CACNB2: variants seen among roughly 807,000 people sequenced by gnomAD.
CACNB2 encodes the protein calcium voltage-gated channel auxiliary subunit beta 2, also known as voltage-dependent L-type calcium channel subunit beta-2.
A neutral mutation model predicts 73.3 loss-of-function variants in CACNB2; 42 were observed. The observed-to-expected ratio is 0.57, with a 90% CI of 0.45 to 0.74. The LOEUF (loss-of-function observed/expected upper bound fraction) is 0.74. CACNB2 is among the 30% of genes least tolerant of loss of function. The pLI is 0.00. For missense variants in CACNB2, 940 were observed against 853.0 expected, an observed-to-expected ratio of 1.10 and a Z score of -1.27; for synonymous variants, 348 against 310.3, an observed-to-expected ratio of 1.12 and a Z score of -1.28.
chr10:18,375,295 C>G (rs2042750162), intron 2 of CACNB2, among the ~76,000 whole-genome samples: 1 of 152,114 alleles, frequency 6.6e-6, no homozygotes, highest in Admixed American at 6.5e-5. Flanking sequence ...CCTCCCAATC[C>G]TGCACCAATG....
chr10:18,506,501 G>A lies in CACNB2; in HGVS notation c.624G>A (p.Leu208=). 1 of 1,612,400 alleles carries A rather than the reference G, an allele frequency of 6.2e-7. No individual in the cohort carries two copies. The highest frequency in any genetic ancestry group is 1.7e-5 in the Admixed American group (1 of 60,016). Residue 208 remains leucine (L), a synonymous_variant, in exon 6 of 14, where the codon TTG becomes TTA. Coordinates refer to ENST00000324631, the MANE Select transcript of CACNB2 (RefSeq NM_201596.3). ...SKSGGNSSSS[L]GDIVPSSRKS... ...CAGGAGGAAATTCATCATCCAGTTT[G>A]GGTGACATAGTACCTAGTTCCAGAA... is the stretch of plus-strand genomic sequence containing the variant.
At chr10:18,341,149 G>C (rs1276867198) in intron 2 of CACNB2, among the ~76,000 whole-genome samples, 2 of 152,144 alleles carry the variant, frequency 1.3e-5, no homozygotes, top group East Asian at 3.9e-4. Flanking sequence ...TTAATGCTGT[G>C]GTGATTTAAG....
Position 18,537,101 on chromosome 10 carries a change from C to T in CACNB2, c.1302+905C>T, listed in dbSNP as rs577538374. ...CTCCCGGGCTCAAGTAATCCTCCCA[C>T]CTCGGCCCTCCAAGTAGCTAGGACT... On this transcript the variant is annotated intron_variant, in intron 12 of 13. Coordinates refer to ENST00000324631, the MANE Select transcript of CACNB2 (RefSeq NM_201596.3). Among the ~76,000 whole-genome samples, 10 of 152,218 alleles carry T rather than the reference C, an allele frequency of 6.6e-5. No homozygotes were observed. In the South Asian group the frequency reaches 8.3e-4, roughly 13 times the overall value.
intron 3 of CACNB2, among the ~76,000 whole-genome samples, chr10:18,403,278 C>T (rs1477726608): frequency 1.3e-5 from 2 of 152,056 alleles, no homozygotes; most frequent in Middle Eastern, 3.2e-3. Context: ...CAATGTTAGC[C>T]ACGTAGAACA....
intron 3 of CACNB2, among the ~76,000 whole-genome samples, chr10:18,487,616 T>C (rs139500147): frequency 0.12 from 18,349 of 151,774 alleles, 2,208 homozygotes; most frequent in African/African-American, 0.31. Flanking sequence ...GGGTGGATCA[T>C]CTGAGGTCAG....
chr10:18,221,610 T>C (rs2131397264), intron 2 of CACNB2, among the ~76,000 whole-genome samples: 1 of 152,062 alleles, frequency 6.6e-6, no homozygotes, highest in Non-Finnish European at 1.5e-5. Flanking sequence ...ACCTGGGAGG[T>C]GAAGGTTGCA....
chr10:18,388,919 C>A (rs1036239606), intron 2 of CACNB2, among the ~76,000 whole-genome samples: 21 of 152,114 alleles, frequency 1.4e-4, no homozygotes, highest in Admixed American at 7.9e-4. Context: ...TGCCTCCCTT[C>A]CCCATATGCA....
At chr10:18,308,591 G>A (rs2039837669) in intron 2 of CACNB2, among the ~76,000 whole-genome samples, 1 of 152,168 alleles carries the variant, frequency 6.6e-6, no homozygotes, top group Non-Finnish European at 1.5e-5. Flanking sequence ...TGGCAATGCT[G>A]TAAAAGCACT....
chr10:18,286,634 T>C (rs1484378576), intron 2 of CACNB2, among the ~76,000 whole-genome samples: 1 of 151,472 alleles, frequency 6.6e-6, no homozygotes, highest in Non-Finnish European at 1.5e-5. Flanking sequence ...ATTTTCCATG[T>C]AAATTGCAAA....
intron 2 of CACNB2, among the ~76,000 whole-genome samples, chr10:18,349,349 T>C (rs2041608599): frequency 6.6e-6 from 1 of 152,188 alleles, no homozygotes; most frequent in African/African-American, 2.4e-5. Flanking sequence ...TTCCCGGAGC[T>C]CCGGCATACT....
chr10:18,514,090 C>G (rs1396170600), intron 6 of CACNB2, 146 bp from the exon 7 acceptor site: 2 of 719,284 alleles, frequency 2.8e-6, no homozygotes, highest in Admixed American at 5.1e-5. Flanking sequence ...TGTGCCTTAC[C>G]TTTAAATTTA....
chr10:18,539,787 C>A lies in CACNB2; in HGVS notation c.*63C>A. 1.3e-6 allele frequency: 2 copies of A among 1,507,994 alleles called. No homozygotes were observed. The highest frequency in any genetic ancestry group is 1.8e-6 in the Non-Finnish European group (2 of 1,120,450). The allele number at this position is 1,507,994 out of a possible 1,614,324, so 93.4% of individuals were successfully genotyped here. On this transcript the variant is annotated 3_prime_UTR_variant, in exon 14 of 14. Transcript: ENST00000324631. ...AGTCTTGTATAACTAACAGCATCCC[C>A]AAAACAAAGTCTTTGGGGTCTACAC...
intron 2 of CACNB2, among the ~76,000 whole-genome samples, chr10:18,253,311 GAGT>G (rs2037160623): frequency 6.6e-6 from 1 of 152,138 alleles, no homozygotes; most frequent in Admixed American, 6.6e-5. Flanking sequence ...TGGTGGGGCT[GAGT>G]ACATAGCAAT....
chr10:18,375,025 C>T (rs1455410037), intron 2 of CACNB2, among the ~76,000 whole-genome samples: 2 of 152,066 alleles, frequency 1.3e-5, no homozygotes, highest in African/African-American at 4.8e-5. Flanking sequence ...TGAAAATGCA[C>T]ACGGCAACAT....
At chr10:18,370,456 C>T (rs1276813241) in intron 2 of CACNB2, among the ~76,000 whole-genome samples, 4 of 152,172 alleles carry the variant, frequency 2.6e-5, no homozygotes, top group Non-Finnish European at 4.4e-5. Flanking sequence ...CACCACCATG[C>T]CCGGCTAATT....
intron 2 of CACNB2, among the ~76,000 whole-genome samples, chr10:18,345,719 C>T (rs1357347474): frequency 3.3e-5 from 5 of 152,250 alleles, no homozygotes; most frequent in Non-Finnish European, 7.4e-5. Flanking sequence ...TATTCTAATA[C>T]CCTACTGGTA....
Position 18,442,429 on chromosome 10 carries a change from C to A in CACNB2, c.333+40386C>A, listed in dbSNP as rs1017795140. ...CCTCCCAAAGCGCTGGAATTATAGG[C>A]GTGAGCCACCACGCCTGGCCGAATC... On this transcript the variant is annotated intron_variant, in intron 3 of 13. Coordinates refer to ENST00000324631, the MANE Select transcript of CACNB2 (RefSeq NM_201596.3). 2.0e-5 allele frequency among the ~76,000 whole-genome samples: 3 copies of A among 151,932 alleles called. No individual in the cohort carries two copies. In the East Asian group the frequency reaches 5.8e-4, roughly 30 times the overall value.
chr10:18,499,617 GAA>G (rs59492615), intron 4 of CACNB2, among the ~76,000 whole-genome samples: 1,347 of 99,606 alleles, frequency 0.014, 44 homozygotes, highest in African/African-American at 0.047. Flanking sequence ...CTGTCTCAAA[GAA>G]AAAAAAAAAA....
At chr10:18,354,948 A>G (rs1469595969) in intron 2 of CACNB2, among the ~76,000 whole-genome samples, 2 of 152,182 alleles carry the variant, frequency 1.3e-5, no homozygotes, top group Non-Finnish European at 2.9e-5. Flanking sequence ...TAGGCTAGAG[A>G]CACCTTTGCT....
Sources: allele counts gnomAD v4.1 joint callset (sites outside exome capture counted in the v4.1 genomes callset), GRCh38; gene constraint gnomAD v4.1.1; transcripts MANE v1.5; gene names NCBI Gene and HGNC (gene_info 2026-07-23, HGNC 2026-07-21).